Variants in COL13A1 observed in about 807,000 individuals in gnomAD.
COL13A1 encodes collagen type XIII alpha 1 chain.
COL13A1 carries 89 observed loss-of-function variants against 130.9 expected under a neutral mutation model. That is an observed-to-expected ratio of 0.68 (90% CI 0.57 to 0.81). COL13A1 has a LOEUF of 0.81. COL13A1 is among the 30% of genes least tolerant of loss of function. COL13A1 has a pLI of 0.00. For missense variants in COL13A1, 879 were observed against 934.6 expected (o/e 0.94, Z 0.78); for synonymous variants, 402 against 341.6 (o/e 1.18, Z -1.95).
chr10:69,922,455 C>T (rs1455145390), intron 22 of COL13A1, among the ~76,000 whole-genome samples: 2 of 152,162 alleles, frequency 1.3e-5, no homozygotes, highest in Admixed American at 6.5e-5. Flanking sequence ...AACAGTGTTC[C>T]GTGGAATACA....
chr10:69,829,435 C>G lies in COL13A1; in HGVS notation c.364+6997C>G, dbSNP rs139207961. Among the ~76,000 whole-genome samples, 519 of 152,360 alleles carry G rather than the reference C, an allele frequency of 3.4e-3. 2 individuals carry two copies. The highest frequency in any genetic ancestry group is 0.011 in the African/African-American group (477 of 41,586). ...ATCCCTTCTGCATTCCCAGCAGGCC[C>G]CCTGGCAGCACTGGTGCTGCTGGTT... On this transcript the variant is annotated intron_variant, in intron 2 of 40. Coordinates refer to ENST00000645393, the MANE Select transcript of COL13A1 (RefSeq NM_001368882.1).
At chr10:69,928,112 A>G (rs1477244351) in intron 27 of COL13A1, among the ~76,000 whole-genome samples, 1 of 152,222 alleles carries the variant, frequency 6.6e-6, no homozygotes, top group Non-Finnish European at 1.5e-5. Context: ...AGACTGCACC[A>G]CTGCACTCCA....
At chr10:69,828,525 G>T (rs529420252) in intron 2 of COL13A1, among the ~76,000 whole-genome samples, 1 of 152,264 alleles carries the variant, frequency 6.6e-6, no homozygotes, top group Non-Finnish European at 1.5e-5. Flanking sequence ...CCAGTCTTCC[G>T]CTGTCCTGCT....
At chr10:69,940,719 G>A (rs565507018) in intron 34 of COL13A1, among the ~76,000 whole-genome samples, 4 of 152,294 alleles carry the variant, frequency 2.6e-5, no homozygotes, top group Admixed American at 6.5e-5. Flanking sequence ...GAAGGGGGGC[G>A]GGAGGAGCAG....
chr10:69,881,945 T>G, intron 7 of COL13A1, among the ~76,000 whole-genome samples: 1 of 152,224 alleles, frequency 6.6e-6, no homozygotes. Context: ...GGCTCCAGTC[T>G]GCTTCTGGTT....
intron 1 of COL13A1, among the ~76,000 whole-genome samples, chr10:69,814,349 C>T (rs1444726558): frequency 6.6e-6 from 1 of 152,150 alleles, no homozygotes; most frequent in African/African-American, 2.4e-5. Context: ...ATGGCAAGTG[C>T]AGGAAACTTG....
chr10:69,940,272 A>C (rs532880337), intron 34 of COL13A1, among the ~76,000 whole-genome samples: 18 of 152,238 alleles, frequency 1.2e-4, no homozygotes, highest in Admixed American at 3.3e-4. Context: ...CCTCTGTCCC[A>C]GGCCGCTGCC....
At chr10:69,823,691 G>A (rs903384104) in intron 2 of COL13A1, among the ~76,000 whole-genome samples, 1 of 152,214 alleles carries the variant, frequency 6.6e-6, no homozygotes, top group African/African-American at 2.4e-5. Context: ...GTTCCAGGAT[G>A]CTGCCCTGGG....
chr10:69,878,188 T>C, intron 6 of COL13A1, 123 bp downstream of exon 6: 1 of 653,614 alleles, frequency 1.5e-6, no homozygotes, highest in East Asian at 2.8e-5. Flanking sequence ...CTGGGCCTGC[T>C]GCCCTCACTG....
intron 30 of COL13A1, chr10:69,931,179 G>GGGAGA (rs1239820101): frequency 1.8e-5 from 8 of 456,236 alleles, no homozygotes; most frequent in South Asian, 1.2e-4. Flanking sequence ...GGCCCAACTG[G>GGGAGA]GGAGAGGAGA....
At chr10:69,917,220 C>A in intron 17 of COL13A1, 69 bp from the exon 18 acceptor site, 2 of 1,589,748 alleles carry the variant, frequency 1.3e-6, no homozygotes, top group Non-Finnish European at 1.7e-6. Flanking sequence ...ACATTCTCAC[C>A]GACATCCTTG....
intron 2 of COL13A1, among the ~76,000 whole-genome samples, chr10:69,830,598 AAATG>A (rs10579533): frequency 0.19 from 29,346 of 152,068 alleles, 2,854 homozygotes; most frequent in Admixed American, 0.26. Flanking sequence ...GAAATGATGG[AAATG>A]GTAAACATCA....
rs547102524 is a variant in COL13A1, at chr10:69,835,591, A to G, written c.364+13153A>G. ...CCACCAGCTCTCCAGGTTACGACTC[A>G]CACTGCCCTATTCTCCTGATGAGGA... On this transcript the variant is annotated intron_variant, in intron 2 of 40. Coordinates refer to ENST00000645393, the MANE Select transcript of COL13A1 (RefSeq NM_001368882.1). 4.5e-4 allele frequency among the ~76,000 whole-genome samples: 68 copies of G among 152,210 alleles called. 1 individual carries two copies. Among genetic ancestry groups the G allele is most frequent in the African/African-American group, 1.6e-3 (67 of 41,528 alleles).
chr10:69,947,781 T>C (rs763346376), intron 38 of COL13A1, among the ~76,000 whole-genome samples: 1 of 152,250 alleles, frequency 6.6e-6, no homozygotes, highest in Non-Finnish European at 1.5e-5. Context: ...CAGACAGTTG[T>C]TGGAAGCAGC....
At chr10:69,818,047 G>T (rs370033667) in intron 1 of COL13A1, among the ~76,000 whole-genome samples, 1 of 152,090 alleles carries the variant, frequency 6.6e-6, no homozygotes, top group African/African-American at 2.4e-5. Context: ...CAAGGCTCCC[G>T]ATTTCCGGGT....
Position 69,918,292 on chromosome 10 carries a change from C to G in COL13A1, c.974C>G (p.Pro325Arg). The G allele has an allele frequency of 6.2e-7, 1 of 1,612,982 alleles. No homozygotes were observed. The highest frequency in any genetic ancestry group is 8.5e-7 in the Non-Finnish European group (1 of 1,179,566). Residue 325 changes from proline (P) to arginine (R), a missense_variant, in exon 19 of 41, where the codon CCC (proline) becomes CGC (arginine). Transcript: ENST00000645393. ...TTTTTCTCTCTCTGCCAGGGGGCGC[C>G]CGGAATTGCCGTGGCTGGGATGAAG... Reference protein sequence around the residue: ...MPGKHGAKGAPGIAVAGMKGE... With the variant: ...MPGKHGAKGARGIAVAGMKGE...
chr10:69,860,368 A>G (rs1388032017), intron 2 of COL13A1, among the ~76,000 whole-genome samples: 1 of 152,210 alleles, frequency 6.6e-6, no homozygotes, highest in East Asian at 1.9e-4. Context: ...GGCATGAGGG[A>G]GACACAGCTC....
rs149807793 is a variant in COL13A1 at position 69,869,085 on chromosome 10, C to G, written c.372+1280C>G. ...ACACCTCACCCCCAGGGCCAGGATG[C>G]CAGGACAGCTCTGAGTCCCTGCCTG... On this transcript the variant is annotated intron_variant, in intron 3 of 40. Coordinates refer to ENST00000645393, the MANE Select transcript of COL13A1 (RefSeq NM_001368882.1). Among the ~76,000 whole-genome samples, 275 of 152,310 alleles carry G rather than the reference C, an allele frequency of 1.8e-3. 2 individuals carry two copies. The highest frequency in any genetic ancestry group is 6.4e-3 in the African/African-American group (266 of 41,562).
intron 7 of COL13A1, among the ~76,000 whole-genome samples, chr10:69,881,158 C>T (rs998787696): frequency 6.6e-6 from 1 of 152,176 alleles, no homozygotes; most frequent in Non-Finnish European, 1.5e-5. Context: ...GATATCGAGG[C>T]TGTGGGAGGA....
Sources: gnomAD v4.1 joint callset for allele counts (sites outside exome capture counted in the v4.1 genomes callset) on GRCh38, gnomAD v4.1.1 for gene constraint, MANE v1.5 for transcripts, NCBI Gene and HGNC (gene_info 2026-07-23, HGNC 2026-07-21) for gene names.